Variants in JARID2 observed in about 807,000 individuals in gnomAD.
JARID2 encodes the protein protein Jumonji.
JARID2 carries 21 observed loss-of-function variants against 125.6 expected under a neutral mutation model. The ratio of observed to expected loss-of-function variants is 0.17; its 90% CI spans 0.12 to 0.24. The LOEUF (loss-of-function observed/expected upper bound fraction) is 0.24, where lower values mean the gene tolerates loss of function less well. Among genes scored for constraint, JARID2 ranks in the 10% least tolerant of loss-of-function variants. The pLI is 1.00. For synonymous variants in JARID2, 736 were observed against 661.6 expected, an observed-to-expected ratio of 1.11 and a Z score of -1.73; for missense variants, 1,303 against 1,639.6, an observed-to-expected ratio of 0.79 and a Z score of 3.55.
At chr6:15,518,568 G>T (rs573293749) in intron 17 of JARID2, among the ~76,000 whole-genome samples, 2 of 152,068 alleles carry the variant, frequency 1.3e-5, no homozygotes, top group Admixed American at 6.5e-5. Flanking sequence ...TGCAAGCTCC[G>T]CCTCCCAGGT....
intron 6 of JARID2, among the ~76,000 whole-genome samples, chr6:15,490,065 A>C (rs956763817): frequency 2.6e-5 from 4 of 152,222 alleles, no homozygotes; most frequent in Non-Finnish European, 5.9e-5. Context: ...ATTGTGAGAA[A>C]TAAAAGGAAA....
At position 15,508,409 on chromosome 6, in the gene JARID2, A is replaced by T. The variant is rs778663000; in HGVS notation, c.2801A>T (p.His934Leu). 2 of 1,610,500 alleles carry T rather than the reference A, an allele frequency of 1.2e-6. 1 individual carries two copies. Among genetic ancestry groups the T allele is most frequent in the South Asian group, 2.2e-5 (2 of 91,024 alleles). ...TCATGCTGGTCTCGAGACCAAAATC[A>T]CCTTCCATACATTGACTACTTACAC... Reference protein sequence around the residue: ...STSCWSRDQNHLPYIDYLHTG... With the variant: ...STSCWSRDQNLLPYIDYLHTG... The change falls in exon 12 of 18, where the codon CAC becomes CTC. Residue 934 changes from histidine to leucine, a missense_variant. His to Leu is a moderately conservative substitution (Grantham distance 99). Around this residue, in one of 11 missense-constraint regions of JARID2, gnomAD observed 190 missense variants for 341.4 expected, o/e 0.56. Coordinates refer to ENST00000341776, the MANE Select transcript of JARID2 (RefSeq NM_004973.4).
intron 6 of JARID2, among the ~76,000 whole-genome samples, chr6:15,492,920 A>G (rs72837817): frequency 4.0e-4 from 61 of 152,322 alleles, no homozygotes; most frequent in Middle Eastern, 3.4e-3. Context: ...ATAAGAAGGA[A>G]AATATTGCAA....
chr6:15,330,878 A>C (rs1354452158), intron 1 of JARID2, among the ~76,000 whole-genome samples: 1 of 152,206 alleles, frequency 6.6e-6, no homozygotes, highest in East Asian at 1.9e-4. Flanking sequence ...AGAATACTTC[A>C]AAGTAGTCTG....
At chr6:15,443,040 T>A (rs567063855) in intron 3 of JARID2, among the ~76,000 whole-genome samples, 40 of 152,260 alleles carry the variant, frequency 2.6e-4, no homozygotes, top group African/African-American at 4.8e-4. Flanking sequence ...TTCGATTTTT[T>A]AATTTTTTTC....
Position 15,501,502 on chromosome 6 carries a change from T to G in JARID2, c.2448+93T>G, listed in dbSNP as rs551416467. On this transcript the variant is annotated intron_variant, in intron 8 of 17. Coordinates refer to ENST00000341776, the MANE Select transcript of JARID2 (RefSeq NM_004973.4). ...GCGTGCTATGCACTGGACGGTGTGT[T>G]CTCTGATTCCCTGGGGTGATGAGGG... 4 of 1,265,912 alleles carry G rather than the reference T, an allele frequency of 3.2e-6. 1 individual carries two copies. Among genetic ancestry groups the G allele is most frequent in the Non-Finnish European group, 1.1e-6 (1 of 938,968 alleles). The allele number at this position is 1,265,912 out of a possible 1,614,324, so 78.4% of individuals were successfully genotyped here.
chr6:15,295,244 C>T (rs1761369206), intron 1 of JARID2, among the ~76,000 whole-genome samples: 2 of 151,716 alleles, frequency 1.3e-5, no homozygotes, highest in African/African-American at 4.8e-5. Context: ...GCCTCAGCCT[C>T]CCAAGTAGCT....
At chr6:15,300,679 C>T (rs1347442867) in intron 1 of JARID2, among the ~76,000 whole-genome samples, 2 of 123,942 alleles carry the variant, frequency 1.6e-5, no homozygotes, top group Non-Finnish European at 3.5e-5. Flanking sequence ...CCAGTGTCCT[C>T]ATGTTGTGTG....
intron 1 of JARID2, among the ~76,000 whole-genome samples, chr6:15,263,493 A>C (rs1315290286): frequency 1.3e-5 from 2 of 151,666 alleles, no homozygotes; most frequent in Non-Finnish European, 2.9e-5. Context: ...AGGAGGAGGG[A>C]TGTTACTGTA....
intron 1 of JARID2, among the ~76,000 whole-genome samples, chr6:15,334,356 C>T (rs1762811585): frequency 6.6e-6 from 1 of 152,128 alleles, no homozygotes; most frequent in Non-Finnish European, 1.5e-5. Flanking sequence ...TGGCAGAAGT[C>T]AGATCTTAGA....
chr6:15,404,900 T>C (rs1765587037), intron 2 of JARID2, among the ~76,000 whole-genome samples: 1 of 152,204 alleles, frequency 6.6e-6, no homozygotes, highest in Non-Finnish European at 1.5e-5. Context: ...TTGTCATGTA[T>C]GTGTAGCTAA....
At chr6:15,413,524 C>T (rs916711526) in intron 3 of JARID2, among the ~76,000 whole-genome samples, 3 of 152,162 alleles carry the variant, frequency 2.0e-5, no homozygotes, top group Non-Finnish European at 2.9e-5. Context: ...CTGCATCTGG[C>T]GAGAGCTTTC....
intron 1 of JARID2, among the ~76,000 whole-genome samples, chr6:15,276,453 T>G (rs1464858224): frequency 1.3e-5 from 2 of 152,244 alleles, no homozygotes; most frequent in East Asian, 3.8e-4. Flanking sequence ...TGTCACATAC[T>G]GAGCACTGGG....
chr6:15,458,741 C>T (rs145615140), intron 4 of JARID2, among the ~76,000 whole-genome samples: 268 of 152,330 alleles, frequency 1.8e-3, no homozygotes, highest in African/African-American at 6.2e-3. Context: ...GGAATGCTGA[C>T]ATTTGCTGCG....
At position 15,300,718 on chromosome 6, in the gene JARID2, TGTGTGA is replaced by T. The variant is rs1187355667; in HGVS notation, c.45+54136_45+54141del. On this transcript the variant is annotated intron_variant, in intron 1 of 17. Transcript: ENST00000341776. ...GTGTGTGTGTGTGTGTGTGTGTGTG[TGTGTGA>T]GAGAGAGAGAGAGAGAGAGAGAGAG... is the stretch of plus-strand genomic sequence containing the variant. Among the ~76,000 whole-genome samples, 765 of 140,610 alleles carry T rather than the reference TGTGTGA, an allele frequency of 5.4e-3. 8 individuals are homozygous for T. The highest frequency in any genetic ancestry group is 0.019 in the African/African-American group (699 of 36,630). The allele number at this position is 140,610 out of a possible 152,430, so 92.2% of individuals were successfully genotyped here. A position where few individuals can be genotyped will look rare whatever the true frequency, so the allele number is the denominator to read the frequency against.
At chr6:15,462,309 T>G (rs766569080) in intron 4 of JARID2, among the ~76,000 whole-genome samples, 1 of 152,228 alleles carries the variant, frequency 6.6e-6, no homozygotes, top group South Asian at 2.1e-4. Context: ...AGACCAGGAA[T>G]GGGCAGAGAT....
rs972535766 is a variant in JARID2, at chr6:15,332,260, C to G, written c.46-41857C>G. Among the ~76,000 whole-genome samples the G allele has an allele frequency of 3.3e-5, 5 of 152,316 alleles. No homozygotes were observed. The East Asian group carries it at 9.6e-4, about 29-fold the overall frequency. On this transcript the variant is annotated intron_variant, in intron 1 of 17. Transcript: ENST00000341776. ...GGTTCTGTGAGAAAAACCAAATTAG[C>G]AAGCTACCTCAGGAATTTAATTTTT...
intron 1 of JARID2, among the ~76,000 whole-genome samples, chr6:15,364,278 G>A (rs924896899): frequency 6.6e-6 from 1 of 152,192 alleles, no homozygotes; most frequent in African/African-American, 2.4e-5. Context: ...AGCCCTGTCA[G>A]TAAGGGGCAA....
chr6:15,486,615 A>G (rs1178532406), intron 5 of JARID2, among the ~76,000 whole-genome samples: 1 of 152,240 alleles, frequency 6.6e-6, no homozygotes, highest in Non-Finnish European at 1.5e-5. Context: ...GAAGCACTTA[A>G]GAAATACTAG....
Sources: allele counts gnomAD v4.1 joint callset (sites outside exome capture counted in the v4.1 genomes callset), GRCh38; gene constraint gnomAD v4.1.1; regional missense constraint gnomAD v4.1.1; transcripts MANE v1.5; gene names NCBI Gene and HGNC (gene_info 2026-07-23, HGNC 2026-07-21).